The following INPP4A variants were observed in gnomAD, a reference collection of about 807,000 sequenced individuals.
The protein encoded by INPP4A is inositol polyphosphate-4-phosphatase, type I, 107kD.
A neutral mutation model predicts 119.8 loss-of-function variants in INPP4A; 33 were observed. That is an observed-to-expected ratio of 0.28 (90% confidence interval 0.21 to 0.37). The LOEUF (loss-of-function observed/expected upper bound fraction) is 0.37. INPP4A is among the 10% of genes least tolerant of loss of function. The pLI is 1.00. For missense variants in INPP4A, 956 were observed against 1,289.9 expected, an observed-to-expected ratio of 0.74 and a Z score of 3.97; for synonymous variants, 496 against 500.7, an observed-to-expected ratio of 0.99 and a Z score of 0.12.
chr2:98,483,766 C>A (rs1414555982), intron 1 of INPP4A, among the ~76,000 whole-genome samples: 1 of 152,164 alleles, frequency 6.6e-6, no homozygotes, highest in Non-Finnish European at 1.5e-5. Flanking sequence ...CTACTCTGCT[C>A]CCATGGATGG....
chr2:98,538,111 T>G, intron 8 of INPP4A, 137 bp downstream of exon 8: 1 of 616,642 alleles, frequency 1.6e-6, no homozygotes, highest in Non-Finnish European at 2.9e-6. Flanking sequence ...CCACGGACAC[T>G]CCGGTCCTCC....
intron 1 of INPP4A, among the ~76,000 whole-genome samples, chr2:98,464,127 T>C (rs1674224929): frequency 6.6e-6 from 1 of 152,228 alleles, no homozygotes; most frequent in African/African-American, 2.4e-5. Flanking sequence ...CTGAGCTCTT[T>C]GTGGCTGAGG....
At chr2:98,568,893 A>G (rs1696951531) in intron 22 of INPP4A, 3 of 490,468 alleles carry the variant, frequency 6.1e-6, no homozygotes, top group Non-Finnish European at 7.4e-6. Context: ...CCTATGTGAC[A>G]TGGCTCCTTC....
intron 4 of INPP4A, among the ~76,000 whole-genome samples, chr2:98,523,813 C>G (rs530859259): frequency 6.6e-6 from 1 of 152,124 alleles, no homozygotes; most frequent in South Asian, 2.1e-4. Flanking sequence ...ACCTTCAATA[C>G]AGAAAATGTT....
chr2:98,477,651 A>G (rs987964586), intron 1 of INPP4A, among the ~76,000 whole-genome samples: 1 of 152,214 alleles, frequency 6.6e-6, no homozygotes, highest in Non-Finnish European at 1.5e-5. Flanking sequence ...GAACAAGACC[A>G]TGGCTGTCTC....
At chr2:98,544,844 G>T (rs1281313179) in intron 11 of INPP4A, among the ~76,000 whole-genome samples, 1 of 152,190 alleles carries the variant, frequency 6.6e-6, no homozygotes, top group African/African-American at 2.4e-5. Flanking sequence ...TAACAAGGAG[G>T]TGTTGCTTAG....
chr2:98,490,980 A>G (rs1680614267), intron 1 of INPP4A, among the ~76,000 whole-genome samples: 1 of 151,874 alleles, frequency 6.6e-6, no homozygotes, highest in Non-Finnish European at 1.5e-5. Flanking sequence ...TAATTTAAAA[A>G]ATTACAGTAG....
intron 1 of INPP4A, among the ~76,000 whole-genome samples, chr2:98,509,393 T>C (rs1684702788): frequency 6.6e-6 from 1 of 152,178 alleles, no homozygotes; most frequent in African/African-American, 2.4e-5. Context: ...GGGATCTGGG[T>C]TGCGTGCTCC....
At chr2:98,491,364 C>T (rs1680732868) in intron 1 of INPP4A, among the ~76,000 whole-genome samples, 1 of 152,228 alleles carries the variant, frequency 6.6e-6, no homozygotes, top group African/African-American at 2.4e-5. Flanking sequence ...GCTGAGTGCC[C>T]TGAGTCCCCA....
At chr2:98,505,894 G>A (rs1242598220) in intron 1 of INPP4A, among the ~76,000 whole-genome samples, 1 of 152,136 alleles carries the variant, frequency 6.6e-6, no homozygotes, top group Non-Finnish European at 1.5e-5. Flanking sequence ...GGTTTTGTCT[G>A]TTTATCCTGT....
chr2:98,461,842 C>T (rs1697213459), intron 1 of INPP4A, among the ~76,000 whole-genome samples: 1 of 152,246 alleles, frequency 6.6e-6, no homozygotes, highest in Non-Finnish European at 1.5e-5. Flanking sequence ...CAGCTGCATG[C>T]TGGCCTGCTG....
intron 8 of INPP4A, among the ~76,000 whole-genome samples, chr2:98,538,409 C>T (rs2105977615): frequency 6.6e-6 from 1 of 152,322 alleles, no homozygotes; most frequent in Non-Finnish European, 1.5e-5. Context: ...ATCCTCCCCT[C>T]TTCCCTGGTC....
At chr2:98,446,178 T>C (rs1694160056) in intron 1 of INPP4A, among the ~76,000 whole-genome samples, 1 of 152,238 alleles carries the variant, frequency 6.6e-6, no homozygotes, top group Non-Finnish European at 1.5e-5. Flanking sequence ...TTTGCTGAGT[T>C]TGTTTTGGAA....
chr2:98,488,746 C>G (rs1253411390), intron 1 of INPP4A, among the ~76,000 whole-genome samples: 3 of 152,142 alleles, frequency 2.0e-5, no homozygotes, highest in Admixed American at 6.5e-5. Flanking sequence ...CAAGTGGGAG[C>G]TCCTTGGAGA....
chr2:98,548,358 T>C (rs1014315849), intron 13 of INPP4A, among the ~76,000 whole-genome samples: 3 of 152,118 alleles, frequency 2.0e-5, no homozygotes, highest in Admixed American at 2.0e-4. Context: ...CTTTGGGAAA[T>C]AGGAAGAAGA....
chr2:98,515,008 G>A (rs111576452), intron 1 of INPP4A, among the ~76,000 whole-genome samples: 2,358 of 152,100 alleles, frequency 0.016, 68 homozygotes, highest in African/African-American at 0.054. Flanking sequence ...AGAGGTTCCC[G>A]GAGAGTGGCA....
chr2:98,482,802 C>T (rs1188945613), intron 1 of INPP4A, among the ~76,000 whole-genome samples: 3 of 152,226 alleles, frequency 2.0e-5, no homozygotes, highest in African/African-American at 7.2e-5. Flanking sequence ...ACTTACATTG[C>T]TTTTTTGAAA....
chr2:98,536,088 G>A (rs750308451), intron 6 of INPP4A, 41 bp from the exon 7 acceptor site: 1 of 1,331,532 alleles, frequency 7.5e-7, no homozygotes, highest in Non-Finnish European at 1.1e-6. Flanking sequence ...CAGAAGCAAA[G>A]CAAGCGCACC....
At chr2:98,568,238 A>G (rs1047918618) in intron 21 of INPP4A, among the ~76,000 whole-genome samples, 3 of 152,110 alleles carry the variant, frequency 2.0e-5, no homozygotes, top group Non-Finnish European at 4.4e-5. Context: ...CCCCCCTCCT[A>G]AGTGCCTCAG....
Sources: allele counts gnomAD v4.1 joint callset (sites outside exome capture counted in the v4.1 genomes callset), GRCh38; gene constraint gnomAD v4.1.1; transcripts MANE v1.5; gene names NCBI Gene and HGNC (gene_info 2026-07-23, HGNC 2026-07-21).